Variants in RFX7 observed in about 807,000 individuals in gnomAD.
RFX7 encodes the protein regulatory factor X7, also known as DNA-binding protein RFX7.
RFX7 carries 26 observed loss-of-function variants against 111.8 expected under a neutral mutation model. That is an observed-to-expected ratio of 0.23 (90% CI 0.17 to 0.32). The LOEUF is 0.32. Among genes scored for constraint, RFX7 ranks in the 10% least tolerant of loss-of-function variants. The probability of loss-of-function intolerance (pLI) is 1.00; values close to 1 mark genes in which losing one functional copy is unlikely to be tolerated. For synonymous variants in RFX7, 624 were observed against 624.4 expected, an observed-to-expected ratio of 1.00 and a Z score of 0.01; for missense variants, 1,573 against 1,772.9, an observed-to-expected ratio of 0.89 and a Z score of 2.02.
intron 5 of RFX7, among the ~76,000 whole-genome samples, chr15:56,116,160 T>C (rs934291573): frequency 3.3e-5 from 5 of 152,008 alleles, no homozygotes; most frequent in African/African-American, 4.8e-5. Flanking sequence ...CTCATGTTAG[T>C]AAAAGGATAA....
chr15:56,193,658 ATCTT>A (rs1199933994), intron 2 of RFX7, among the ~76,000 whole-genome samples: 1 of 152,196 alleles, frequency 6.6e-6, no homozygotes, highest in Non-Finnish European at 1.5e-5. Flanking sequence ...CATCTTCTAA[ATCTT>A]TCAAGATTTA....
chr15:56,234,567 T>C (rs1287231124), intron 2 of RFX7, among the ~76,000 whole-genome samples: 2 of 152,222 alleles, frequency 1.3e-5, no homozygotes, highest in Admixed American at 6.5e-5. Context: ...ATTACGGAAG[T>C]GATTCACTTA....
rs1258693234 is a variant in RFX7 at position 56,149,066 on chromosome 15, G to A, written c.196-4583C>T. ...CCACTGCACTCCAGCCTCAGCGACA[G>A]AGCGAGACTCCGTCTCAAAAAAAAA... On this transcript the variant is annotated intron_variant, in intron 3 of 9. Transcript: ENST00000559447. Among the ~76,000 whole-genome samples the A allele has an allele frequency of 2.7e-5, 4 of 145,706 alleles. No individual in the cohort carries two copies. The East Asian group carries it at 8.3e-4, about 30-fold the overall frequency.
intron 5 of RFX7, among the ~76,000 whole-genome samples, chr15:56,105,510 G>A (rs913869575): frequency 1.3e-4 from 20 of 151,992 alleles, no homozygotes; most frequent in African/African-American, 4.1e-4. Flanking sequence ...GCCCCCCTCC[G>A]GATCCTAGGA....
chr15:56,163,229 C>A (rs2042745692), intron 3 of RFX7, among the ~76,000 whole-genome samples: 1 of 151,932 alleles, frequency 6.6e-6, no homozygotes, highest in Admixed American at 6.6e-5. Context: ...ATCCATAACC[C>A]CTCACAGATG....
At chr15:56,198,634 T>G (rs368206862) in intron 2 of RFX7, among the ~76,000 whole-genome samples, 1 of 152,198 alleles carries the variant, frequency 6.6e-6, no homozygotes, top group East Asian at 1.9e-4. Flanking sequence ...AAGAAAAAAT[T>G]TTTTAAAGGG....
intron 2 of RFX7, among the ~76,000 whole-genome samples, chr15:56,206,743 T>G (rs897215584): frequency 6.8e-6 from 1 of 147,018 alleles, no homozygotes; most frequent in African/African-American, 2.5e-5. Context: ...ATAAGCCATG[T>G]ACAGAAAAAA....
intron 3 of RFX7, among the ~76,000 whole-genome samples, chr15:56,154,932 A>T (rs2042630463): frequency 6.6e-6 from 1 of 152,226 alleles, no homozygotes; most frequent in Non-Finnish European, 1.5e-5. Flanking sequence ...CAAACTTACA[A>T]GAAAAAAAAC....
intron 3 of RFX7, among the ~76,000 whole-genome samples, chr15:56,148,631 T>A (rs191474652): frequency 1.3e-5 from 2 of 152,296 alleles, no homozygotes; most frequent in Non-Finnish European, 2.9e-5. Flanking sequence ...ATTCTTTCTA[T>A]GAGGTGCAAG....
At position 56,243,580 on chromosome 15, in the gene RFX7, C is replaced by T; in HGVS notation, c.-138G>A. On this transcript the variant is annotated 5_prime_UTR_variant, in exon 1 of 10. Coordinates refer to ENST00000559447, the MANE Select transcript of RFX7 (RefSeq NM_022841.7). Reference sequence around the variant, plus strand: ...CCTCAGCCCCCCGCTGGCGCCGCCGCCTCCTCCCGTCAGCGGCCGGGGCTG... The same window carrying T: ...CCTCAGCCCCCCGCTGGCGCCGCCGTCTCCTCCCGTCAGCGGCCGGGGCTG... 1 of 834,530 alleles carries T rather than the reference C, an allele frequency of 1.2e-6. No individual in the cohort carries two copies. The highest frequency in any genetic ancestry group is 1.4e-6 in the Non-Finnish European group (1 of 693,666). 51.7% of individuals were successfully genotyped at this position (834,530 alleles called of 1,614,324 possible).
At chr15:56,218,309 T>G (rs1055224593) in intron 2 of RFX7, among the ~76,000 whole-genome samples, 1 of 151,810 alleles carries the variant, frequency 6.6e-6, no homozygotes, top group African/African-American at 2.4e-5. Flanking sequence ...GTTTTGTATT[T>G]TTAGTAGAGA....
chr15:56,111,454 CTCGTTAAGAG>C (rs1462145014), intron 5 of RFX7, among the ~76,000 whole-genome samples: 1 of 150,958 alleles, frequency 6.6e-6, no homozygotes, highest in Non-Finnish European at 1.5e-5. Flanking sequence ...AGGCAGCATG[CTCGTTAAGAG>C]TCATCACCAC....
intron 2 of RFX7, 114 bp downstream of exon 2, chr15:56,243,011 A>T: frequency 1.3e-6 from 1 of 754,674 alleles, no homozygotes; most frequent in Non-Finnish European, 2.0e-6. Flanking sequence ...GGAAAGCCAC[A>T]TTCAATGAAT....
chr15:56,173,956 T>G (rs1451669184), intron 3 of RFX7, among the ~76,000 whole-genome samples: 1 of 152,116 alleles, frequency 6.6e-6, no homozygotes, highest in African/African-American at 2.4e-5. Context: ...GACAGGTATT[T>G]AAGACAGAAA....
chr15:56,137,400 C>T (rs1296116634), intron 5 of RFX7, among the ~76,000 whole-genome samples: 23 of 152,244 alleles, frequency 1.5e-4, no homozygotes, highest in Non-Finnish European at 2.5e-4. Context: ...AGTTTATTTG[C>T]GTAGAGGTGT....
chr15:56,162,942 TCTTA>T (rs1409530488), intron 3 of RFX7, among the ~76,000 whole-genome samples: 1 of 152,162 alleles, frequency 6.6e-6, no homozygotes, highest in Non-Finnish European at 1.5e-5. Flanking sequence ...CTGAGATAAA[TCTTA>T]CTAACAGTAA....
chr15:56,182,076 A>T (rs1010204092), intron 2 of RFX7, among the ~76,000 whole-genome samples: 2 of 152,116 alleles, frequency 1.3e-5, no homozygotes, highest in South Asian at 4.2e-4. Flanking sequence ...CTAGTTGCAG[A>T]AAAACAAGCA....
intron 2 of RFX7, chr15:56,192,763 G>T: frequency 4.5e-6 from 1 of 223,602 alleles, no homozygotes; most frequent in South Asian, 7.8e-5. Context: ...AATTTCATCA[G>T]GGGCACTGGG....
chr15:56,109,503 G>A (rs1413897678), intron 5 of RFX7, among the ~76,000 whole-genome samples: 2 of 152,220 alleles, frequency 1.3e-5, no homozygotes, highest in South Asian at 4.2e-4. Context: ...CTGCCTGGCC[G>A]CCCATCGTCT....
Sources: allele counts gnomAD v4.1 joint callset (sites outside exome capture counted in the v4.1 genomes callset), GRCh38; gene constraint gnomAD v4.1.1; transcripts MANE v1.5; gene names NCBI Gene and HGNC (gene_info 2026-07-23, HGNC 2026-07-21).